STXBP3: variants seen among roughly 807,000 people sequenced by gnomAD.
The protein encoded by STXBP3 is syntaxin-binding protein 3.
A neutral mutation model predicts 85.7 loss-of-function variants in STXBP3; 41 were observed. The observed-to-expected ratio is 0.48, with a 90% CI of 0.37 to 0.62. The LOEUF (loss-of-function observed/expected upper bound fraction) is 0.62. Among genes scored for constraint, STXBP3 ranks in the 20% least tolerant of loss-of-function variants. STXBP3 has a pLI of 0.00. For synonymous variants in STXBP3, 229 were observed against 231.7 expected (o/e 0.99, Z 0.10); for missense variants, 563 against 703.1 (o/e 0.80, Z 2.25).
At chr1:108,806,370 C>T (rs1663331523) in intron 17 of STXBP3, among the ~76,000 whole-genome samples, 1 of 152,074 alleles carries the variant, frequency 6.6e-6, no homozygotes, top group African/African-American at 2.4e-5. Flanking sequence ...TAAATAGCCT[C>T]ATGTGGCTAG....
chr1:108,798,113 G>C, intron 15 of STXBP3, 32 bp from the exon 16 acceptor site: 4 of 1,505,548 alleles, frequency 2.7e-6, no homozygotes, highest in Non-Finnish European at 3.6e-6. Context: ...TAGAATTACT[G>C]GTTTTTAATT....
At chr1:108,771,616 ATATC>A (rs1662424674) in intron 6 of STXBP3, among the ~76,000 whole-genome samples, 1 of 56,560 alleles carries the variant, frequency 1.8e-5, no homozygotes, top group Admixed American at 2.4e-4. Context: ...TATATGATAT[ATATC>A]TATATATCAT....
rs1033140626 is a variant in STXBP3 at position 108,776,889 on chromosome 1, A to G, written c.684+466A>G. ...CTAGTTCTGTGACCTTGAGTTTTCC[A>G]TCTGTGAAATAGATGAAATAATATA... On this transcript the variant is annotated intron_variant, in intron 8 of 18. Transcript: ENST00000370008. Among the ~76,000 whole-genome samples, 9 of 152,320 alleles carry G rather than the reference A, an allele frequency of 5.9e-5. No individual in the cohort carries two copies. The East Asian group carries it at 1.7e-3, about 29-fold the overall frequency.
intron 9 of STXBP3, chr1:108,780,722 G>A (rs1035023868): frequency 2.0e-5 from 3 of 149,630 alleles, no homozygotes; most frequent in Non-Finnish European, 4.4e-5. Flanking sequence ...AGCTCTAAGT[G>A]TCCAGATTCA....
In STXBP3 at chr1:108,788,790, G is replaced by A. The variant is rs531398532; in HGVS notation, c.964-4792G>A. 9.9e-5 allele frequency among the ~76,000 whole-genome samples: 15 copies of A among 152,048 alleles called. No homozygotes were observed. In the Middle Eastern group the frequency reaches 0.01, roughly 103 times the overall value. ...TTAATATCCCCTGCAGTCCGGGCAC[G>A]GTGGCTCACGTCTGTAATCCCAGCA... is the stretch of plus-strand genomic sequence containing the variant. On this transcript the variant is annotated intron_variant, in intron 11 of 18. Coordinates refer to ENST00000370008, the MANE Select transcript of STXBP3 (RefSeq NM_007269.4).
At position 108,748,881 on chromosome 1, in the gene STXBP3, T is replaced by G. The variant is rs539557529; in HGVS notation, c.49+2095T>G. Among the ~76,000 whole-genome samples, 3 of 152,240 alleles carry G rather than the reference T, an allele frequency of 2.0e-5. No individual in the cohort carries two copies. In the South Asian group the frequency reaches 6.2e-4, roughly 32 times the overall value. ...GGTAACTTTTGGACTAGTGGAAGAT[T>G]AATTTAGAGATTAGGTAGAAGCCAG... On this transcript the variant is annotated intron_variant, in intron 1 of 18. Transcript: ENST00000370008.
chr1:108,750,805 A>G (rs1458326040), intron 1 of STXBP3, among the ~76,000 whole-genome samples: 2 of 152,232 alleles, frequency 1.3e-5, no homozygotes, highest in Non-Finnish European at 2.9e-5. Flanking sequence ...AGGAATTCCT[A>G]CAACCTCCCT....
At chr1:108,799,268 CT>C (rs1156824497) in intron 16 of STXBP3, among the ~76,000 whole-genome samples, 2 of 152,140 alleles carry the variant, frequency 1.3e-5, no homozygotes, top group African/African-American at 4.8e-5. Context: ...ACTTTGTTTT[CT>C]CTAACATAAG....
chr1:108,773,285 C>CT (rs1225725310), intron 7 of STXBP3, among the ~76,000 whole-genome samples: 1 of 152,178 alleles, frequency 6.6e-6, no homozygotes, highest in East Asian at 1.9e-4. Flanking sequence ...TTATATACTT[C>CT]TTTTTAAAAA....
intron 6 of STXBP3, among the ~76,000 whole-genome samples, chr1:108,769,020 G>A (rs1353536042): frequency 6.6e-6 from 1 of 152,060 alleles, no homozygotes; most frequent in South Asian, 2.1e-4. Flanking sequence ...TTTTAAACTC[G>A]CCAAAAACTT....
In STXBP3 at chr1:108,746,741, G is replaced by A. The variant is rs772725276; in HGVS notation, c.4G>A (p.Ala2Thr). ...GCTGCTCCGCAGTGTCGGGAAGATGGCGCCGCCGGTGGCAGAGAGGGGGCT... is the reference window on the plus strand; with the variant it reads ...GCTGCTCCGCAGTGTCGGGAAGATGACGCCGCCGGTGGCAGAGAGGGGGCT... Reference protein sequence around the residue: MAPPVAERGLKS... With the variant: MTPPVAERGLKS... Residue 2 changes from alanine to threonine, a missense_variant, in exon 1 of 19, where the codon GCG becomes ACG. This residue lies in a region of STXBP3 where 37 missense variants were observed against 39.7 expected (regional missense o/e 0.93). Coordinates refer to ENST00000370008, the MANE Select transcript of STXBP3 (RefSeq NM_007269.4). The A allele has an allele frequency of 1.9e-6, 3 of 1,550,206 alleles. No homozygotes were observed. The highest frequency in any genetic ancestry group is 2.6e-6 in the Non-Finnish European group (3 of 1,146,458).
chr1:108,762,489 A>G (rs1179022683), intron 6 of STXBP3, among the ~76,000 whole-genome samples: 1 of 147,796 alleles, frequency 6.8e-6, no homozygotes, highest in Non-Finnish European at 1.5e-5. Context: ...TTACTGTTAT[A>G]TCTTTTTTTT....
chr1:108,752,346 A>G (rs1661922314), intron 2 of STXBP3, 40 bp downstream of exon 2: 1 of 1,572,196 alleles, frequency 6.4e-7, no homozygotes, highest in South Asian at 1.1e-5. Flanking sequence ...AAATAATACA[A>G]ACTTTAAAAA....
At position 108,760,263 on chromosome 1, in the gene STXBP3, A is replaced by C. The variant is rs143945409; in HGVS notation, c.438+178A>C. ...GACGCGTGAGCAATAAATTGGAATT[A>C]AAAATGAATAGCAGGGCTTAAATTT... On this transcript the variant is annotated intron_variant, in intron 6 of 18. Transcript: ENST00000370008. Among the ~76,000 whole-genome samples, 538 of 152,320 alleles carry C rather than the reference A, an allele frequency of 3.5e-3. 9 individuals carry two copies. The highest frequency in any genetic ancestry group is 0.022 in the East Asian group (115 of 5,188).
chr1:108,789,072 T>A (rs963075710), intron 11 of STXBP3, among the ~76,000 whole-genome samples: 8 of 152,036 alleles, frequency 5.3e-5, no homozygotes, highest in African/African-American at 1.7e-4. Flanking sequence ...TAAAAAAAAA[T>A]AAAATAAAAT....
At chr1:108,780,417 C>G (rs1557809521) in intron 9 of STXBP3, 1 of 151,164 alleles carries the variant, frequency 6.6e-6, no homozygotes, top group Non-Finnish European at 1.5e-5. Flanking sequence ...TTTAAGTAGA[C>G]TTATTTTTTA....
At chr1:108,808,560 T>G (rs754249742) in intron 18 of STXBP3, among the ~76,000 whole-genome samples, 1 of 152,166 alleles carries the variant, frequency 6.6e-6, no homozygotes, top group Non-Finnish European at 1.5e-5. Context: ...GACAAAGCAC[T>G]AGGAATGGCC....
At chr1:108,804,037 T>C (rs933823541) in intron 17 of STXBP3, among the ~76,000 whole-genome samples, 2 of 152,230 alleles carry the variant, frequency 1.3e-5, no homozygotes, top group African/African-American at 2.4e-5. Flanking sequence ...CTCTGTGCTA[T>C]GTGTATCTGA....
intron 2 of STXBP3, 22 bp downstream of exon 2, chr1:108,752,328 C>T (rs999936624): frequency 6.2e-7 from 1 of 1,606,342 alleles, no homozygotes; most frequent in Admixed American, 1.7e-5. Context: ...ATACCTTGCT[C>T]TTATAAAAAA....
Sources: gnomAD v4.1 joint callset for allele counts (sites outside exome capture counted in the v4.1 genomes callset) on GRCh38, gnomAD v4.1.1 for gene constraint, gnomAD v4.1.1 regional missense constraint, MANE v1.5 for transcripts, NCBI Gene and HGNC (gene_info 2026-07-23, HGNC 2026-07-21) for gene names.